MYRIP: variants seen among roughly 807,000 people sequenced by gnomAD.
The protein encoded by MYRIP is myosin VIIA and Rab interacting protein, also known as rab effector MyRIP.
MYRIP carries 49 observed loss-of-function variants against 98.0 expected under a neutral mutation model. The observed-to-expected ratio is 0.50, with a 90% CI of 0.40 to 0.63. MYRIP has a LOEUF of 0.63. Among genes scored for constraint, MYRIP ranks in the 30% least tolerant of loss-of-function variants. MYRIP has a pLI of 0.00. For missense variants in MYRIP, 1,004 were observed against 1,058.2 expected (o/e 0.95, Z 0.71); for synonymous variants, 404 against 409.5 (o/e 0.99, Z 0.16).
intron 3 of MYRIP, among the ~76,000 whole-genome samples, chr3:40,142,508 G>A (rs928809910): frequency 3.9e-5 from 6 of 152,062 alleles, no homozygotes; most frequent in Non-Finnish European, 1.5e-5. Context: ...CATCACCCAG[G>A]CTGGAGAGCA....
rs1953680926 is a variant in MYRIP at position 40,258,686 on chromosome 3, A to G, written c.*520A>G. On this transcript the variant is annotated 3_prime_UTR_variant, in exon 17 of 17. Coordinates refer to ENST00000302541, the MANE Select transcript of MYRIP (RefSeq NM_015460.4). ...CAAGTCCCTGCAGTGAGCACTAGGG[A>G]CAGTCTAATTTGGGGATTGCTCAAC... 6.5e-6 allele frequency: 1 copy of G among 154,692 alleles called. No homozygotes were observed. The highest frequency in any genetic ancestry group is 2.4e-5 in the African/African-American group (1 of 41,472). The allele number at this position is 154,692 out of a possible 1,614,324, so 9.6% of individuals were successfully genotyped here.
At chr3:40,031,582 A>G (rs144574180) in intron 2 of MYRIP, among the ~76,000 whole-genome samples, 2,677 of 152,186 alleles carry the variant, frequency 0.018, 27 homozygotes, top group Non-Finnish European at 0.03. Context: ...GAACCCAGAA[A>G]AATTTTGCCT....
chr3:39,860,231 C>T (rs1942429771), intron 1 of MYRIP, among the ~76,000 whole-genome samples: 1 of 152,158 alleles, frequency 6.6e-6, no homozygotes, highest in Non-Finnish European at 1.5e-5. Flanking sequence ...TGAGGAGCAA[C>T]CTGCTCTTGC....
chr3:39,955,226 C>G (rs1415945615), intron 2 of MYRIP, among the ~76,000 whole-genome samples: 1 of 152,088 alleles, frequency 6.6e-6, no homozygotes. Flanking sequence ...CAATAATTGT[C>G]AGATTCACCA....
chr3:39,933,063 G>A (rs1944576872), intron 2 of MYRIP, among the ~76,000 whole-genome samples: 1 of 152,186 alleles, frequency 6.6e-6, no homozygotes, highest in Non-Finnish European at 1.5e-5. Flanking sequence ...TTAGATGCAG[G>A]AAAATGGGCA....
At chr3:40,129,357 C>G (rs1445176161) in intron 3 of MYRIP, among the ~76,000 whole-genome samples, 1 of 139,416 alleles carries the variant, frequency 7.2e-6, no homozygotes, top group African/African-American at 2.7e-5. Context: ...AGGAGAATCG[C>G]TTCAACCTGG....
intron 2 of MYRIP, among the ~76,000 whole-genome samples, chr3:40,012,511 C>T (rs1036161724): frequency 9.9e-5 from 15 of 152,050 alleles, no homozygotes; most frequent in Non-Finnish European, 1.6e-4. Flanking sequence ...TTGACCGGGC[C>T]CCAGGGTGCC....
chr3:39,809,450 C>T (rs1424316786), upstream of MYRIP, among the ~76,000 whole-genome samples: 1 of 147,410 alleles, frequency 6.8e-6, no homozygotes, highest in African/African-American at 2.4e-5. Context: ...GGAACCGGCC[C>T]GGCGGGCACC....
chr3:40,050,631 A>T (rs1947775110), intron 3 of MYRIP, among the ~76,000 whole-genome samples: 1 of 152,154 alleles, frequency 6.6e-6, no homozygotes, highest in African/African-American at 2.4e-5. Flanking sequence ...TTTAAGTCTT[A>T]TTTCAGAAAT....
intron 3 of MYRIP, among the ~76,000 whole-genome samples, chr3:40,091,256 AC>A (rs1948732293): frequency 7.0e-6 from 1 of 143,252 alleles, no homozygotes; most frequent in Non-Finnish European, 1.5e-5. Context: ...TGAGAGTGAG[AC>A]CCACATTTTG....
rs1264869950 is a variant in MYRIP at position 39,945,484 on chromosome 3, AAAAAAAAG to A, written c.110+44565_110+44572del. ...AGAGCAAGACTCCATCTCAAAAAAA[AAAAAAAAG>A]AAAAAAGAAAAAAAAAGAATGTATC... On this transcript the variant is annotated intron_variant, in intron 2 of 16. Coordinates refer to ENST00000302541, the MANE Select transcript of MYRIP (RefSeq NM_015460.4). Among the ~76,000 whole-genome samples, 25 of 131,944 alleles carry A rather than the reference AAAAAAAAG, an allele frequency of 1.9e-4. No homozygotes were observed. The East Asian group carries it at 2.2e-3, about 12-fold the overall frequency. The allele number at this position is 131,944 out of a possible 152,430, so 86.6% of individuals were successfully genotyped here.
chr3:39,868,624 T>G (rs953599756), intron 1 of MYRIP, among the ~76,000 whole-genome samples: 1 of 152,186 alleles, frequency 6.6e-6, no homozygotes, highest in Non-Finnish European at 1.5e-5. Context: ...ATTTCCTGTA[T>G]TCTGATCCTT....
At chr3:39,949,787 C>G (rs1015247497) in intron 2 of MYRIP, among the ~76,000 whole-genome samples, 30 of 152,162 alleles carry the variant, frequency 2.0e-4, no homozygotes, top group African/African-American at 6.0e-4. Flanking sequence ...TTTGGCTCAA[C>G]TGGCAACTTG....
intron 2 of MYRIP, among the ~76,000 whole-genome samples, chr3:39,919,714 G>T (rs1164628702): frequency 6.7e-6 from 1 of 149,316 alleles, no homozygotes; most frequent in Non-Finnish European, 1.5e-5. Flanking sequence ...GTGTGTGTGT[G>T]TGTGTGTGTG....
chr3:40,238,049 C>T (rs948796647), intron 12 of MYRIP, among the ~76,000 whole-genome samples: 1 of 152,208 alleles, frequency 6.6e-6, no homozygotes, highest in Non-Finnish European at 1.5e-5. Flanking sequence ...ATGTCAGAAG[C>T]CCCAGCAGGG....
intron 3 of MYRIP, among the ~76,000 whole-genome samples, chr3:40,089,133 C>T (rs765521976): frequency 3.9e-5 from 6 of 152,118 alleles, no homozygotes; most frequent in Non-Finnish European, 8.8e-5. Context: ...TGGGATCCCT[C>T]TGGTGTACAG....
intron 3 of MYRIP, among the ~76,000 whole-genome samples, chr3:40,116,101 C>A (rs1034770566): frequency 6.6e-6 from 1 of 152,238 alleles, no homozygotes; most frequent in African/African-American, 2.4e-5. Context: ...CCCTGGCTCA[C>A]AGGTTCCCTG....
At chr3:40,056,078 C>T (rs9832724) in intron 3 of MYRIP, among the ~76,000 whole-genome samples, 3 of 151,902 alleles carry the variant, frequency 2.0e-5, no homozygotes, top group Non-Finnish European at 1.5e-5. Context: ...TTAGCCAGCA[C>T]GTGTGACAGG....
At chr3:40,092,947 T>C (rs1948756482) in intron 3 of MYRIP, among the ~76,000 whole-genome samples, 2 of 152,142 alleles carry the variant, frequency 1.3e-5, no homozygotes, top group African/African-American at 4.8e-5. Flanking sequence ...CTTTGGTACA[T>C]CACAGATTTG....
Sources: gnomAD v4.1 joint callset for allele counts (sites outside exome capture counted in the v4.1 genomes callset) on GRCh38, gnomAD v4.1.1 for gene constraint, MANE v1.5 for transcripts, NCBI Gene and HGNC (gene_info 2026-07-23, HGNC 2026-07-21) for gene names.